Variants in RB1CC1 observed in about 807,000 individuals in gnomAD.
The protein encoded by RB1CC1 is RB1 inducible coiled-coil 1.
RB1CC1 carries 46 observed loss-of-function variants against 177.5 expected under a neutral mutation model. That is an observed-to-expected ratio of 0.26 (90% CI 0.20 to 0.33). RB1CC1 has a LOEUF of 0.33. RB1CC1 is among the 10% of genes least tolerant of loss of function. The pLI is 1.00. For synonymous variants in RB1CC1, 666 were observed against 613.6 expected (o/e 1.09, Z -1.26); for missense variants, 1,703 against 1,816.3 (o/e 0.94, Z 1.13).
chr8:52,684,392 TAATTCTGGAAAAAA>T (rs1404003530), intron 3 of RB1CC1, among the ~76,000 whole-genome samples: 4 of 152,184 alleles, frequency 2.6e-5, no homozygotes, highest in Non-Finnish European at 5.9e-5. Flanking sequence ...TAATGAAAAC[TAATTCTGGAAAAAA>T]AATCCATAAT....
intron 22 of RB1CC1, among the ~76,000 whole-genome samples, chr8:52,627,175 C>T (rs973980800): frequency 6.6e-6 from 1 of 152,022 alleles, no homozygotes; most frequent in Non-Finnish European, 1.5e-5. Context: ...GGTAAAAACC[C>T]GCCTCTACTA....
chr8:52,656,298 A>G lies in RB1CC1; in HGVS notation c.3531T>C (p.Ile1177=). 6.2e-7 allele frequency: 1 copy of G among 1,613,120 alleles called. No individual in the cohort carries two copies. The change falls in exon 15 of 24, where the codon ATT becomes ATC. Residue 1177 remains isoleucine, a synonymous_variant. Transcript: ENST00000025008. ...EIEKNLKEQI[I]ELQSKLDSEL... ...CTGAATCCAATTTACTCTGCAGTTC[A>G]ATTATTTGTTCTTTTAGGTTTTTTT... is the stretch of plus-strand genomic sequence containing the variant.
intron 18 of RB1CC1, 97 bp downstream of exon 18, chr8:52,642,254 G>A (rs767321907): frequency 1.2e-5 from 18 of 1,440,178 alleles, no homozygotes; most frequent in Non-Finnish European, 1.7e-5. Context: ...ATGGGCTGTG[G>A]ACAACCAGTA....
intron 7 of RB1CC1, among the ~76,000 whole-genome samples, chr8:52,668,741 C>T (rs981089808): frequency 2.6e-5 from 4 of 152,066 alleles, no homozygotes; most frequent in African/African-American, 9.7e-5. Context: ...GCTCCTGGTC[C>T]CTTAAAAAAA....
chr8:52,695,121 A>C (rs1387504111), intron 1 of RB1CC1, among the ~76,000 whole-genome samples: 1 of 152,252 alleles, frequency 6.6e-6, no homozygotes, highest in African/African-American at 2.4e-5. Context: ...TCTAAAAAGA[A>C]GACAGTATTT....
intron 1 of RB1CC1, among the ~76,000 whole-genome samples, chr8:52,712,488 G>T (rs1239905791): frequency 8.7e-6 from 1 of 114,816 alleles, no homozygotes; most frequent in East Asian, 2.2e-4. Context: ...GTGTTTGGCA[G>T]CAAGAGCCAA....
chr8:52,630,399 G>A, intron 21 of RB1CC1, 71 bp downstream of exon 21: 1 of 1,491,170 alleles, frequency 6.7e-7, no homozygotes, highest in Non-Finnish European at 8.9e-7. Flanking sequence ...TACTGTCACT[G>A]AAATACATTT....
chr8:52,662,939 C>A (rs955499279), intron 8 of RB1CC1, among the ~76,000 whole-genome samples: 5 of 152,012 alleles, frequency 3.3e-5, no homozygotes, highest in African/African-American at 1.2e-4. Flanking sequence ...AATATAGAAT[C>A]AATCCCAAAT....
At chr8:52,682,555 A>G (rs1351382408) in intron 5 of RB1CC1, among the ~76,000 whole-genome samples, 1 of 152,030 alleles carries the variant, frequency 6.6e-6, no homozygotes, top group Non-Finnish European at 1.5e-5. Context: ...TTTTCTTTTT[A>G]CTTTCTTGTT....
intron 18 of RB1CC1, among the ~76,000 whole-genome samples, chr8:52,641,109 C>T (rs1219614977): frequency 1.3e-5 from 2 of 151,948 alleles, no homozygotes. Flanking sequence ...CCTGGCCGGG[C>T]GCGATGACTC....
At chr8:52,687,701 T>C (rs1276443464) in intron 1 of RB1CC1, among the ~76,000 whole-genome samples, 1 of 152,166 alleles carries the variant, frequency 6.6e-6, no homozygotes, top group African/African-American at 2.4e-5. Context: ...AAGCAGATCC[T>C]TTCCTAGTTG....
Position 52,623,720 on chromosome 8 carries a change from A to T in RB1CC1, c.*62T>A. 8.3e-7 allele frequency: 1 copy of T among 1,201,376 alleles called. No individual in the cohort carries two copies. Among genetic ancestry groups the T allele is most frequent in the African/African-American group, 1.5e-5 (1 of 66,836 alleles). 74.4% of individuals were successfully genotyped at this position (1,201,376 alleles called of 1,614,324 possible). A position where few individuals can be genotyped will look rare whatever the true frequency, so the allele number is the denominator to read the frequency against. ...ATGGCCTGCTGTTTTTGGAGTGATG[A>T]ATGAGCACTGCAGGACAAATCAGAA... On this transcript the variant is annotated 3_prime_UTR_variant, in exon 24 of 24. Transcript: ENST00000025008.
At chr8:52,652,109 T>C (rs866289969) in intron 15 of RB1CC1, among the ~76,000 whole-genome samples, 28 of 152,292 alleles carry the variant, frequency 1.8e-4, no homozygotes, top group African/African-American at 5.8e-4. Context: ...CTTAAGAGAT[T>C]TGCAAATACA....
intron 5 of RB1CC1, among the ~76,000 whole-genome samples, chr8:52,682,063 C>T (rs1215996957): frequency 6.6e-6 from 1 of 152,206 alleles, no homozygotes; most frequent in East Asian, 1.9e-4. Flanking sequence ...GGAAAAGCCA[C>T]AGACACAACG....
chr8:52,675,706 T>G (rs990137796), intron 6 of RB1CC1, among the ~76,000 whole-genome samples: 2 of 31,096 alleles, frequency 6.4e-5, no homozygotes, highest in African/African-American at 2.6e-4. Flanking sequence ...CCATCTCTAC[T>G]AAAAATCCAA....
chr8:52,660,477 T>C (rs1851514895), intron 12 of RB1CC1, 119 bp downstream of exon 12: 2 of 983,028 alleles, frequency 2.0e-6, no homozygotes, highest in Non-Finnish European at 3.0e-6. Context: ...AAAACACTTT[T>C]ATTTTGATTT....
At chr8:52,688,885 T>TA (rs1184733267) in intron 1 of RB1CC1, among the ~76,000 whole-genome samples, 1 of 152,184 alleles carries the variant, frequency 6.6e-6, no homozygotes. Context: ...CGGCCGACAC[T>TA]AATGGAAAAT....
In RB1CC1 at chr8:52,658,125, C is replaced by A; in HGVS notation, c.1794-1G>T. The A allele has an allele frequency of 6.2e-7, 1 of 1,609,140 alleles. No individual in the cohort carries two copies. Among genetic ancestry groups the A allele is most frequent in the South Asian group, 1.1e-5 (1 of 89,856 alleles). ...TTCAAAGTCACAAAGTAAGGGAACCCTGAAACAGAATGCAATGCAATTAGA... is the reference window on the plus strand; with the variant it reads ...TTCAAAGTCACAAAGTAAGGGAACCATGAAACAGAATGCAATGCAATTAGA... On this transcript the variant is annotated splice_acceptor_variant, in intron 13 of 23. Transcript: ENST00000025008. LOFTEE classifies it high-confidence loss of function.
intron 1 of RB1CC1, 141 bp from the exon 2 acceptor site, chr8:52,687,108 TAAC>T (rs1854340649): frequency 2.8e-6 from 1 of 351,766 alleles, no homozygotes; most frequent in South Asian, 2.2e-5. Flanking sequence ...TTCACTATAA[TAAC>T]AACCACATGA....
Sources: allele counts gnomAD v4.1 joint callset (sites outside exome capture counted in the v4.1 genomes callset), GRCh38; gene constraint gnomAD v4.1.1; transcripts MANE v1.5; gene names NCBI Gene and HGNC (gene_info 2026-07-23, HGNC 2026-07-21).